TP63: variants seen among roughly 807,000 people sequenced by gnomAD.
The protein encoded by TP63 is tumor protein p63.
TP63 carries 17 observed loss-of-function variants against 82.8 expected under a neutral mutation model. The ratio of observed to expected loss-of-function variants is 0.21; its 90% CI spans 0.14 to 0.31. TP63 has a LOEUF of 0.31. Among genes scored for constraint, TP63 ranks in the 10% least tolerant of loss-of-function variants. TP63 has a pLI of 1.00. For synonymous variants in TP63, 330 were observed against 321.7 expected, an observed-to-expected ratio of 1.03 and a Z score of -0.28; for missense variants, 648 against 895.3, an observed-to-expected ratio of 0.72 and a Z score of 3.52.
intron 1 of TP63, among the ~76,000 whole-genome samples, chr3:189,687,942 A>G (rs558032302): frequency 6.6e-6 from 1 of 152,154 alleles, no homozygotes; most frequent in Admixed American, 6.5e-5. Context: ...AGACTATGTT[A>G]TGGCTCTTTA....
the TP63 span, among the ~76,000 whole-genome samples, chr3:189,601,278 C>G: frequency 6.6e-6 from 1 of 152,020 alleles, no homozygotes; most frequent in East Asian, 1.9e-4. Context: ...CTTTTAACAC[C>G]CATGAAAAAT....
At chr3:189,677,206 G>C (rs1034861553) in intron 1 of TP63, among the ~76,000 whole-genome samples, 1 of 150,948 alleles carries the variant, frequency 6.6e-6, no homozygotes, top group African/African-American at 2.4e-5. Context: ...GTTTGTGTGT[G>C]TGTGTGTGTA....
rs112936786 is a variant in TP63, at chr3:189,824,759, G to A, written c.579+16233G>A. The stretch of plus-strand genomic sequence containing the variant: ...GAGAGGCCCTTGTCAGAATTCTCAC[G>A]ACTGAATCATTGCCATGAGCTAATG... On this transcript the variant is annotated intron_variant, in intron 4 of 13. Coordinates refer to ENST00000264731, the MANE Select transcript of TP63 (RefSeq NM_003722.5). Among the ~76,000 whole-genome samples the A allele has an allele frequency of 3.9e-3, 593 of 151,622 alleles. 4 individuals carry two copies. Among genetic ancestry groups the A allele is most frequent in the African/African-American group, 0.014 (568 of 41,282 alleles).
At chr3:189,689,104 CTTTTTTTTTTTTTTTT>C (rs776704674) in intron 1 of TP63, among the ~76,000 whole-genome samples, 1 of 68,282 alleles carries the variant, frequency 1.5e-5, no homozygotes, top group African/African-American at 9.7e-5. Flanking sequence ...CTACCTTTTT[CTTTTTTTTTTTTTTTT>C]TTTTTTTTTT....
intron 3 of TP63, among the ~76,000 whole-genome samples, chr3:189,785,423 G>A (rs146298912): frequency 1.7e-3 from 254 of 152,120 alleles, no homozygotes; most frequent in Middle Eastern, 0.01. Flanking sequence ...TGAGGAGAGC[G>A]TTAAGTATAC....
rs545344660 is a variant in TP63, at chr3:189,651,737, GA to G, written c.62+20161del. Among the ~76,000 whole-genome samples the G allele has an allele frequency of 3.6e-4, 52 of 146,420 alleles. 4 individuals are homozygous for G. Among genetic ancestry groups the G allele is most frequent in the African/African-American group, 1.3e-3 (49 of 38,978 alleles). ...TTGCATCATGGGCTGGGAGGCCTAG[GA>G]GGGAAAAAATGGTTTCCTGGGCTGA... On this transcript the variant is annotated intron_variant, in intron 1 of 13. Coordinates refer to ENST00000264731, the MANE Select transcript of TP63 (RefSeq NM_003722.5).
At chr3:189,848,843 A>T (rs559150869) in intron 4 of TP63, among the ~76,000 whole-genome samples, 144 of 152,248 alleles carry the variant, frequency 9.5e-4, no homozygotes, top group African/African-American at 3.3e-3. Context: ...TTGGCATATA[A>T]CTCCTAAAAT....
At chr3:189,837,042 G>A (rs1049283931) in intron 4 of TP63, among the ~76,000 whole-genome samples, 2 of 152,152 alleles carry the variant, frequency 1.3e-5, no homozygotes, top group Non-Finnish European at 2.9e-5. Flanking sequence ...GTAGGGGAAT[G>A]AGCCTTCTGC....
chr3:189,754,328 A>G (rs1015474914), intron 3 of TP63, among the ~76,000 whole-genome samples: 7 of 152,158 alleles, frequency 4.6e-5, no homozygotes, highest in Non-Finnish European at 1.0e-4. Flanking sequence ...CACGTACACA[A>G]TCACCCACAT....
chr3:189,869,399 A>G lies in TP63; in HGVS notation c.1205A>G (p.Tyr402Cys). The G allele has an allele frequency of 1.9e-6, 3 of 1,613,606 alleles. No homozygotes were observed. Among genetic ancestry groups the G allele is most frequent in the Non-Finnish European group, 2.5e-6 (3 of 1,179,606 alleles). Reference sequence around the variant, plus strand: ...AGATCCCCAGATGATGAACTGTTATACTTACCAGTAGGTCTTCCTTGGGTG... The same window carrying G: ...AGATCCCCAGATGATGAACTGTTATGCTTACCAGTAGGTCTTCCTTGGGTG... Reference protein sequence around the residue: ...KRRSPDDELLYLPVRGRETYE... With the variant: ...KRRSPDDELLCLPVRGRETYE... Residue 402 changes from tyrosine (Y) to cysteine (C), a missense_variant, in exon 9 of 14, where the codon TAC (tyrosine) becomes TGC (cysteine). Physicochemically the swap from Tyr to Cys is radical, Grantham distance 194. Transcript: ENST00000264731.
At chr3:189,864,497 C>T in intron 5 of TP63, 79 bp downstream of exon 5, 1 of 1,443,892 alleles carries the variant, frequency 6.9e-7, no homozygotes, top group Non-Finnish European at 9.3e-7. Flanking sequence ...TGAGACCCAC[C>T]TACCTGATTC....
chr3:189,631,429 C>T lies in TP63; in HGVS notation c.-87C>T, dbSNP rs747090025. The T allele has an allele frequency of 1.3e-4, 211 of 1,598,234 alleles. No homozygotes were observed. The highest frequency in any genetic ancestry group is 1.6e-4 in the Non-Finnish European group (186 of 1,172,770). ...TTTGACCCTATTGCTTTTAGCCTCCCGGCTTTATATCTATATATACACAGG... is the reference window on the plus strand; with the variant it reads ...TTTGACCCTATTGCTTTTAGCCTCCTGGCTTTATATCTATATATACACAGG... On this transcript the variant is annotated 5_prime_UTR_variant, in exon 1 of 14. Coordinates refer to ENST00000264731, the MANE Select transcript of TP63 (RefSeq NM_003722.5).
chr3:189,810,015 T>A (rs1473669182), intron 4 of TP63, among the ~76,000 whole-genome samples: 2 of 152,210 alleles, frequency 1.3e-5, no homozygotes, highest in Non-Finnish European at 2.9e-5. Flanking sequence ...TGTCTAAAAA[T>A]TAATGTTATT....
chr3:189,850,759 C>T (rs1016363899), intron 4 of TP63, among the ~76,000 whole-genome samples: 10 of 151,540 alleles, frequency 6.6e-5, no homozygotes, highest in African/African-American at 1.9e-4. Flanking sequence ...TTTAAGGACA[C>T]GCAAAATTAT....
Position 189,894,992 on chromosome 3 carries a change from G to T in TP63, c.*490G>T, listed in dbSNP as rs1721364254. On this transcript the variant is annotated 3_prime_UTR_variant, in exon 14 of 14. Coordinates refer to ENST00000264731, the MANE Select transcript of TP63 (RefSeq NM_003722.5). ...TTGTCTATACTCCTTCCCTTAAGGGGTATCATGTATGGTGATAGGTATCTA... is the reference window on the plus strand; with the variant it reads ...TTGTCTATACTCCTTCCCTTAAGGGTTATCATGTATGGTGATAGGTATCTA... 3 of 220,942 alleles carry T rather than the reference G, an allele frequency of 1.4e-5. No individual in the cohort carries two copies. The highest frequency in any genetic ancestry group is 3.4e-4 in the South Asian group (2 of 5,888). 13.7% of individuals were successfully genotyped at this position (220,942 alleles called of 1,614,324 possible). A position where few individuals can be genotyped will look rare whatever the true frequency, so the allele number is the denominator to read the frequency against.
intron 10 of TP63, among the ~76,000 whole-genome samples, chr3:189,876,386 A>G (rs1719227053): frequency 6.6e-6 from 1 of 152,200 alleles, no homozygotes; most frequent in Non-Finnish European, 1.5e-5. Flanking sequence ...TCATAAAATA[A>G]TCTGTGTCCC....
intron 1 of TP63, among the ~76,000 whole-genome samples, chr3:189,714,138 A>G (rs780916045): frequency 1.3e-5 from 2 of 152,240 alleles, no homozygotes; most frequent in South Asian, 2.1e-4. Flanking sequence ...ACACCCCGTA[A>G]GTGGAATTGT....
chr3:189,660,738 C>T (rs1367017467), intron 1 of TP63, among the ~76,000 whole-genome samples: 1 of 151,692 alleles, frequency 6.6e-6, no homozygotes, highest in Non-Finnish European at 1.5e-5. Flanking sequence ...CTATGAATTC[C>T]TTCAACCGTG....
intron 1 of TP63, among the ~76,000 whole-genome samples, chr3:189,660,908 G>A (rs1390734081): frequency 6.6e-6 from 1 of 151,776 alleles, no homozygotes. Flanking sequence ...ATTTCTATCA[G>A]TGTAACTATA....
Sources: allele counts gnomAD v4.1 joint callset (sites outside exome capture counted in the v4.1 genomes callset), GRCh38; gene constraint gnomAD v4.1.1; transcripts MANE v1.5; gene names NCBI Gene and HGNC (gene_info 2026-07-23, HGNC 2026-07-21).